The following HSPA12A variants were observed in gnomAD, a reference collection of about 807,000 sequenced individuals.
HSPA12A encodes the protein heat shock 70 kDa protein 12A.
A neutral mutation model predicts 69.2 loss-of-function variants in HSPA12A; 28 were observed. The observed-to-expected ratio is 0.40, with a 90% CI of 0.30 to 0.55. The LOEUF (loss-of-function observed/expected upper bound fraction) is 0.55, where lower values mean the gene tolerates loss of function less well. HSPA12A is among the 20% of genes least tolerant of loss of function. The pLI is 0.38. For missense variants in HSPA12A, 686 were observed against 900.7 expected (o/e 0.76, Z 3.05); for synonymous variants, 345 against 370.5 (o/e 0.93, Z 0.79).
intron 2 of HSPA12A, among the ~76,000 whole-genome samples, chr10:116,821,155 C>A (rs929543627): frequency 6.6e-6 from 1 of 152,178 alleles, no homozygotes; most frequent in African/African-American, 2.4e-5. Flanking sequence ...TGGGATCTTT[C>A]AAAAATATAA....
chr10:116,831,883 G>A (rs1214122974), intron 2 of HSPA12A: 1 of 152,130 alleles, frequency 6.6e-6, no homozygotes, highest in African/African-American at 2.4e-5. Context: ...CACTCAAAAG[G>A]GCTGCATGAC....
chr10:116,778,330 A>T (rs534694352), intron 2 of HSPA12A, among the ~76,000 whole-genome samples: 15 of 152,312 alleles, frequency 9.8e-5, no homozygotes, highest in African/African-American at 3.4e-4. Context: ...GGCACTGACT[A>T]TTCCCCCCAA....
intron 1 of HSPA12A, 115 bp downstream of exon 1, chr10:116,742,315 G>C (rs1564805104): frequency 1.8e-6 from 2 of 1,121,426 alleles, no homozygotes; most frequent in Non-Finnish European, 2.3e-6. Flanking sequence ...TGGATGCAGC[G>C]CGGGCGTCCC....
At chr10:116,845,938 C>T (rs1257118052) in intron 1 of HSPA12A, among the ~76,000 whole-genome samples, 2 of 152,202 alleles carry the variant, frequency 1.3e-5, no homozygotes. Flanking sequence ...ACCCCTTGCA[C>T]ACCAACTTTT....
intron 2 of HSPA12A, among the ~76,000 whole-genome samples, chr10:116,804,213 G>A (rs1178969777): frequency 6.6e-6 from 1 of 152,178 alleles, no homozygotes; most frequent in East Asian, 1.9e-4. Flanking sequence ...ACCTGACGAC[G>A]GGACGAATCT....
chr10:116,702,406 C>G lies in HSPA12A; in HGVS notation c.255-1277G>C, dbSNP rs1395146272. Among the ~76,000 whole-genome samples, 3 of 152,144 alleles carry G rather than the reference C, an allele frequency of 2.0e-5. No homozygotes were observed. The South Asian group carries it at 6.2e-4, about 31-fold the overall frequency. ...AGAGGTGGCCACGCTCCCAGCTGATCCCGGACCTGCTCCCGACCCCATGAC... is the reference window on the plus strand; with the variant it reads ...AGAGGTGGCCACGCTCCCAGCTGATGCCGGACCTGCTCCCGACCCCATGAC... On this transcript the variant is annotated intron_variant, in intron 3 of 11. Coordinates refer to ENST00000369209, the MANE Select transcript of HSPA12A (RefSeq NM_025015.3).
intron 2 of HSPA12A, among the ~76,000 whole-genome samples, chr10:116,749,649 A>G (rs1554888116): frequency 6.6e-6 from 1 of 152,216 alleles, no homozygotes; most frequent in African/African-American, 2.4e-5. Context: ...AGAAGACAGA[A>G]TTACAGTTCA....
intron 7 of HSPA12A, among the ~76,000 whole-genome samples, chr10:116,682,465 G>GA (rs1849440454): frequency 6.6e-6 from 1 of 150,560 alleles, no homozygotes; most frequent in African/African-American, 2.4e-5. Flanking sequence ...TGGGGGGGGG[G>GA]GCCATTTCCT....
chr10:116,814,618 C>T (rs1012135439), intron 2 of HSPA12A, among the ~76,000 whole-genome samples: 1 of 152,216 alleles, frequency 6.6e-6, no homozygotes, highest in African/African-American at 2.4e-5. Flanking sequence ...CCTGATGACC[C>T]CTCATCCAGC....
At chr10:116,791,571 T>A (rs74774283) in intron 2 of HSPA12A, among the ~76,000 whole-genome samples, 2 of 152,214 alleles carry the variant, frequency 1.3e-5, no homozygotes, top group Non-Finnish European at 1.5e-5. Context: ...TATATCATTA[T>A]TTTTTAGCTA....
At position 116,705,452 on chromosome 10, in the gene HSPA12A, G is replaced by A. The variant is rs1183371530; in HGVS notation, c.127-174C>T. Among the ~76,000 whole-genome samples the A allele has an allele frequency of 5.9e-5, 9 of 152,334 alleles. No homozygotes were observed. The East Asian group carries it at 7.7e-4, about 13-fold the overall frequency. On this transcript the variant is annotated intron_variant, in intron 2 of 11. Coordinates refer to ENST00000369209, the MANE Select transcript of HSPA12A (RefSeq NM_025015.3). ...AGAAGGCAGCCCAGCCTGGGCCCCCGCCTGAATGGCTCAGGGAGAAATGGG... is the reference window on the plus strand; with the variant it reads ...AGAAGGCAGCCCAGCCTGGGCCCCCACCTGAATGGCTCAGGGAGAAATGGG...
At chr10:116,770,992 T>G (rs1438716192) in intron 2 of HSPA12A, among the ~76,000 whole-genome samples, 8 of 83,356 alleles carry the variant, frequency 9.6e-5, no homozygotes, top group Admixed American at 4.2e-4. Flanking sequence ...AGGGTTGGAG[T>G]GGGGCTGTGG....
At chr10:116,727,936 G>C (rs1245353766) in intron 1 of HSPA12A, among the ~76,000 whole-genome samples, 1 of 151,260 alleles carries the variant, frequency 6.6e-6, no homozygotes, top group East Asian at 2.0e-4. Flanking sequence ...TTTTTTGGGG[G>C]GGGGACAGAG....
intron 2 of HSPA12A, among the ~76,000 whole-genome samples, chr10:116,757,205 T>C (rs139429440): frequency 4.6e-5 from 7 of 152,236 alleles, no homozygotes; most frequent in Admixed American, 1.3e-4. Flanking sequence ...GACCTGCAAA[T>C]GGGAGGAGGC....
chr10:116,689,057 G>C (rs1849659934), intron 6 of HSPA12A, among the ~76,000 whole-genome samples: 1 of 152,148 alleles, frequency 6.6e-6, no homozygotes, highest in Non-Finnish European at 1.5e-5. Flanking sequence ...AGTTTCTGGA[G>C]TTTCACCGAT....
At chr10:116,782,998 A>G (rs529249982) in intron 2 of HSPA12A, among the ~76,000 whole-genome samples, 2 of 152,350 alleles carry the variant, frequency 1.3e-5, no homozygotes, top group African/African-American at 4.8e-5. Flanking sequence ...CCAAGGCGAA[A>G]GAAGGGAAAT....
intron 1 of HSPA12A, among the ~76,000 whole-genome samples, chr10:116,718,117 G>A (rs1850662338): frequency 1.3e-5 from 2 of 152,128 alleles, no homozygotes; most frequent in Non-Finnish European, 2.9e-5. Flanking sequence ...CACCTGCCTG[G>A]GCCTCTGGAA....
At chr10:116,681,337 A>T in intron 8 of HSPA12A, 81 bp from the exon 9 acceptor site, 1 of 1,134,200 alleles carries the variant, frequency 8.8e-7, no homozygotes, top group South Asian at 1.2e-5. Flanking sequence ...AACTAGGTAG[A>T]CCCAGCTAAG....
chr10:116,718,603 G>C (rs1850679836), intron 1 of HSPA12A, among the ~76,000 whole-genome samples: 1 of 152,174 alleles, frequency 6.6e-6, no homozygotes. Flanking sequence ...CCAACCTTGA[G>C]GGACACCTCC....
Sources: gnomAD v4.1 joint callset for allele counts (sites outside exome capture counted in the v4.1 genomes callset) on GRCh38, gnomAD v4.1.1 for gene constraint, MANE v1.5 for transcripts, NCBI Gene and HGNC (gene_info 2026-07-23, HGNC 2026-07-21) for gene names.